Variants in NAV2 observed in about 807,000 individuals in gnomAD.
NAV2 encodes the protein neuron navigator 2.
NAV2 carries 54 observed loss-of-function variants against 223.2 expected under a neutral mutation model. The observed-to-expected ratio is 0.24, with a 90% confidence interval of 0.19 to 0.30. The LOEUF (loss-of-function observed/expected upper bound fraction) is 0.30. Ranked by LOEUF, NAV2 falls within the 10% of genes least tolerant of loss-of-function variation. The pLI is 1.00. For synonymous variants in NAV2, 1,279 were observed against 1,239.3 expected, an observed-to-expected ratio of 1.03 and a Z score of -0.67; for missense variants, 2,806 against 3,147.5, an observed-to-expected ratio of 0.89 and a Z score of 2.60.
chr11:19,914,535 C>T (rs1337835190), intron 6 of NAV2, among the ~76,000 whole-genome samples: 5 of 148,352 alleles, frequency 3.4e-5, no homozygotes, highest in African/African-American at 1.3e-4. Context: ...ATTGTTGTTC[C>T]TGTTCTTTTT....
chr11:19,827,057 A>G (rs1455509928), intron 1 of NAV2, among the ~76,000 whole-genome samples: 1 of 152,096 alleles, frequency 6.6e-6, no homozygotes, highest in Non-Finnish European at 1.5e-5. Context: ...TTGATGGGGG[A>G]CAGGCATTGG....
intron 1 of NAV2, among the ~76,000 whole-genome samples, chr11:19,805,968 C>G (rs1485983276): frequency 6.6e-6 from 1 of 152,308 alleles, no homozygotes; most frequent in South Asian, 2.1e-4. Context: ...CCATGCGTGT[C>G]TGATTTCTGA....
At chr11:19,693,772 C>T (rs2049251589) in intron 1 of NAV2, among the ~76,000 whole-genome samples, 1 of 152,132 alleles carries the variant, frequency 6.6e-6, no homozygotes, top group African/African-American at 2.4e-5. Context: ...CATTGGAGGC[C>T]AGCACTGTTC....
chr11:19,415,257 G>T (rs1196652816), intron 1 of NAV2, among the ~76,000 whole-genome samples: 1 of 152,182 alleles, frequency 6.6e-6, no homozygotes, highest in Non-Finnish European at 1.5e-5. Flanking sequence ...AAATGGTAAA[G>T]GGGATATCAC....
intron 1 of NAV2, among the ~76,000 whole-genome samples, chr11:19,570,421 A>G (rs1194675680): frequency 1.3e-5 from 2 of 152,234 alleles, no homozygotes; most frequent in Non-Finnish European, 1.5e-5. Context: ...ATACAACATC[A>G]AAACCATCAG....
At chr11:19,744,175 C>T (rs771007518) in intron 1 of NAV2, among the ~76,000 whole-genome samples, 1 of 152,210 alleles carries the variant, frequency 6.6e-6, no homozygotes, top group African/African-American at 2.4e-5. Context: ...TGGTTTTAAA[C>T]CCATACTTCT....
intron 1 of NAV2, among the ~76,000 whole-genome samples, chr11:19,517,116 T>G (rs1273917491): frequency 6.6e-6 from 1 of 152,074 alleles, no homozygotes; most frequent in Non-Finnish European, 1.5e-5. Context: ...GGTGAGAAAG[T>G]AGTAGAAGGA....
At chr11:19,537,460 A>G (rs968381569) in intron 1 of NAV2, among the ~76,000 whole-genome samples, 1 of 152,246 alleles carries the variant, frequency 6.6e-6, no homozygotes, top group African/African-American at 2.4e-5. Context: ...TAAATGATGA[A>G]GCCTGGATTC....
At chr11:19,785,824 G>T (rs966112804) in intron 1 of NAV2, among the ~76,000 whole-genome samples, 22 of 152,132 alleles carry the variant, frequency 1.4e-4, no homozygotes, top group African/African-American at 5.1e-4. Flanking sequence ...TTAGCTTAAG[G>T]GGACCTCTAT....
chr11:19,478,728 C>T (rs752756555), intron 1 of NAV2, among the ~76,000 whole-genome samples: 63 of 152,226 alleles, frequency 4.1e-4, no homozygotes, highest in Middle Eastern at 6.3e-3. Context: ...TGTGCACGCA[C>T]GCTTCTCAGC....
chr11:19,410,268 C>T (rs1432039022), intron 1 of NAV2, among the ~76,000 whole-genome samples: 1 of 152,156 alleles, frequency 6.6e-6, no homozygotes, highest in Non-Finnish European at 1.5e-5. Context: ...TTTCATCTTC[C>T]CTTTCATATG....
At chr11:19,462,462 G>A (rs2200567) in intron 1 of NAV2, among the ~76,000 whole-genome samples, 131,911 of 152,234 alleles carry the variant, frequency 0.87, 57,251 homozygotes, top group South Asian at 0.93. Flanking sequence ...CAGACACAAC[G>A]TGCCACCAAA....
At chr11:19,392,585 G>A (rs1849292460) in intron 1 of NAV2, among the ~76,000 whole-genome samples, 1 of 152,166 alleles carries the variant, frequency 6.6e-6, no homozygotes. Flanking sequence ...GCACGAGCAA[G>A]CCAGGCAGAA....
At chr11:19,766,401 G>T (rs1420667239) in intron 1 of NAV2, among the ~76,000 whole-genome samples, 1 of 152,174 alleles carries the variant, frequency 6.6e-6, no homozygotes, top group African/African-American at 2.4e-5. Context: ...AGGCTTTGAT[G>T]TGAGGGGAAC....
intron 1 of NAV2, among the ~76,000 whole-genome samples, chr11:19,720,701 T>C (rs1283014706): frequency 1.3e-5 from 2 of 152,212 alleles, no homozygotes; most frequent in African/African-American, 4.8e-5. Context: ...ACAGCCTCTG[T>C]ATCAGCATAA....
chr11:19,490,422 T>C (rs1012908571), intron 1 of NAV2, among the ~76,000 whole-genome samples: 14 of 152,260 alleles, frequency 9.2e-5, no homozygotes, highest in African/African-American at 2.9e-4. Context: ...AATAAGCTTA[T>C]ATAATATTCT....
intron 1 of NAV2, among the ~76,000 whole-genome samples, chr11:19,475,780 G>A (rs1231953034): frequency 6.6e-6 from 1 of 152,176 alleles, no homozygotes; most frequent in African/African-American, 2.4e-5. Context: ...AAAAATAGTT[G>A]TTCAGGAGAT....
At chr11:19,638,857 G>A (rs2047577545) in intron 1 of NAV2, among the ~76,000 whole-genome samples, 1 of 152,176 alleles carries the variant, frequency 6.6e-6, no homozygotes, top group South Asian at 2.1e-4. Flanking sequence ...GCCAGGCGTG[G>A]TGGCGCACAC....
intron 1 of NAV2, among the ~76,000 whole-genome samples, chr11:19,409,189 G>T (rs1370502027): frequency 2.0e-5 from 3 of 152,118 alleles, no homozygotes; most frequent in Non-Finnish European, 2.9e-5. Context: ...CTAGAAAGAT[G>T]GTGGATTTAT....
Sources: gnomAD v4.1 joint callset for allele counts (sites outside exome capture counted in the v4.1 genomes callset) on GRCh38, gnomAD v4.1.1 for gene constraint, MANE v1.5 for transcripts, NCBI Gene and HGNC (gene_info 2026-07-23, HGNC 2026-07-21) for gene names.